Variants in RGPD8 observed in about 807,000 individuals in gnomAD.
RGPD8 encodes RANBP2-like and GRIP domain-containing protein 8.
Under a neutral mutation model 89.1 loss-of-function variants are expected in RGPD8, and 15 were observed. That is an observed-to-expected ratio of 0.17 (90% CI 0.11 to 0.26). The LOEUF (loss-of-function observed/expected upper bound fraction) is 0.26. RGPD8 is among the 10% of genes least tolerant of loss of function. RGPD8 has a pLI of 1.00. For missense variants in RGPD8, 178 were observed against 1,179.6 expected (o/e 0.15, Z 12.44); for synonymous variants, 62 against 420.9 (o/e 0.15, Z 10.44).
chr2:112,408,795 T>C (rs1262567107), intron 7 of RGPD8, among the ~76,000 whole-genome samples: 1 of 151,818 alleles, frequency 6.6e-6, no homozygotes, highest in Non-Finnish European at 1.5e-5. Flanking sequence ...TCTCGGCCTC[T>C]CAAGTAGCTG....
intron 20 of RGPD8, among the ~76,000 whole-genome samples, chr2:112,387,537 T>G (rs2104776545): frequency 8.0e-6 from 1 of 125,412 alleles, no homozygotes; most frequent in South Asian, 2.9e-4. Flanking sequence ...CATTTTTGTA[T>G]TTTCAGTAGA....
At position 112,433,362 on chromosome 2, in the gene RGPD8, T is replaced by C. The variant is rs1254192062; in HGVS notation, c.72+20A>G. 12 of 1,601,112 alleles carry C rather than the reference T, an allele frequency of 7.5e-6. No homozygotes were observed. The highest frequency in any genetic ancestry group is 2.8e-5 in the African/African-American group (2 of 72,700). On this transcript the variant is annotated intron_variant, in intron 1 of 22. Transcript: ENST00000302558. ...CGCCCGGCCGGGTCGAGGCCGCCGCTCTCTTCCAGACCCACTCACCTGTCG... is the reference window on the plus strand; with the variant it reads ...CGCCCGGCCGGGTCGAGGCCGCCGCCCTCTTCCAGACCCACTCACCTGTCG...
At chr2:112,376,565 C>T (rs1472852509) in intron 22 of RGPD8, among the ~76,000 whole-genome samples, 1 of 129,012 alleles carries the variant, frequency 7.8e-6, no homozygotes, top group Non-Finnish European at 1.7e-5. Context: ...CCTGTAATCC[C>T]AGCACTTTGG....
chr2:112,429,433 A>AAG (rs1553506718), intron 1 of RGPD8, among the ~76,000 whole-genome samples: 17 of 148,954 alleles, frequency 1.1e-4, no homozygotes, highest in South Asian at 4.2e-4. Flanking sequence ...AAAAAAAAAA[A>AAG]AAAAGAAAAG....
intron 1 of RGPD8, among the ~76,000 whole-genome samples, chr2:112,429,876 C>G (rs1472182908): frequency 6.6e-6 from 1 of 152,066 alleles, no homozygotes; most frequent in Non-Finnish European, 1.5e-5. Flanking sequence ...GGCGCAATCT[C>G]TGCTCACCAC....
At chr2:112,384,315 G>GGT (rs1558975227) in intron 20 of RGPD8, 1 of 15,282 alleles carries the variant, frequency 6.5e-5, no homozygotes, top group Non-Finnish European at 1.7e-4. Flanking sequence ...CTTCCTGGAA[G>GGT]CAGAATGGAA....
intron 19 of RGPD8, among the ~76,000 whole-genome samples, chr2:112,390,512 A>C (rs1182606544): frequency 6.9e-6 from 1 of 144,958 alleles, no homozygotes; most frequent in Non-Finnish European, 1.5e-5. Context: ...AAGGCAACTG[A>C]TGCACTGAGA....
intron 7 of RGPD8, among the ~76,000 whole-genome samples, chr2:112,410,694 C>A (rs1178457879): frequency 6.6e-6 from 1 of 151,436 alleles, no homozygotes; most frequent in African/African-American, 2.5e-5. Context: ...AGGAGAATCA[C>A]TTGAACCCAG....
At position 112,387,424 on chromosome 2, in the gene RGPD8, G is replaced by A. The variant is rs1246623149; in HGVS notation, c.4921+600C>T. ...TCAGTCAGGCTGGAGTAAGTGGCAT[G>A]ATTTCAGCTCACTGCTACCTCCATC... is the stretch of plus-strand genomic sequence containing the variant. On this transcript the variant is annotated intron_variant, in intron 20 of 22. Transcript: ENST00000302558. Among the ~76,000 whole-genome samples, 12 of 143,456 alleles carry A rather than the reference G, an allele frequency of 8.4e-5. 1 individual carries two copies. The highest frequency in any genetic ancestry group is 1.5e-4 in the Non-Finnish European group (10 of 64,628). The allele number at this position is 143,456 out of a possible 152,430, so 94.1% of individuals were successfully genotyped here.
At chr2:112,410,919 C>G (rs1364609427) in intron 7 of RGPD8, among the ~76,000 whole-genome samples, 5 of 152,274 alleles carry the variant, frequency 3.3e-5, no homozygotes, top group Non-Finnish European at 7.3e-5. Context: ...AACCTCGTCT[C>G]TACTAAAAAC....
intron 22 of RGPD8, 147 bp from the exon 23 acceptor site, chr2:112,370,359 G>GGGGGGTC (rs1249646916): frequency 6.9e-5 from 7 of 100,754 alleles, no homozygotes; most frequent in Non-Finnish European, 1.0e-4. Flanking sequence ...GGGGGGGGGG[G>GGGGGGTC]TTCTTTTTTT....
chr2:112,382,218 T>C (rs1242036465), intron 20 of RGPD8, among the ~76,000 whole-genome samples: 4 of 152,304 alleles, frequency 2.6e-5, no homozygotes, highest in African/African-American at 9.6e-5. Context: ...GATGGCCTAG[T>C]GATCGTGTAA....
chr2:112,425,487 C>T (rs1211923239), intron 1 of RGPD8, among the ~76,000 whole-genome samples: 6 of 152,034 alleles, frequency 3.9e-5, no homozygotes, highest in Non-Finnish European at 5.9e-5. Context: ...AGGCTGGGTG[C>T]GGTGGCTCAC....
Position 112,414,107 on chromosome 2 carries a change from T to C in RGPD8, c.783-1481A>G, listed in dbSNP as rs985824263. ...TCTATTAAGCGAGACATTAAAAAGA[T>C]TTACAACAATGCAAAAACAATGACA... On this transcript the variant is annotated intron_variant, in intron 6 of 22. Coordinates refer to ENST00000302558, the MANE Select transcript of RGPD8 (RefSeq NM_001164463.1). Among the ~76,000 whole-genome samples, 39 of 148,076 alleles carry C rather than the reference T, an allele frequency of 2.6e-4. 3 individuals are homozygous for C. Among genetic ancestry groups the C allele is most frequent in the African/African-American group, 1.0e-3 (38 of 37,978 alleles).
chr2:112,429,415 CAA>C (rs71412832), intron 1 of RGPD8, among the ~76,000 whole-genome samples: 1 of 45,754 alleles, frequency 2.2e-5, no homozygotes, highest in East Asian at 5.8e-4. Context: ...GACTCCGTCT[CAA>C]AAAAAAAAAA....
intron 1 of RGPD8, among the ~76,000 whole-genome samples, chr2:112,432,852 G>A (rs1463473857): frequency 5.3e-5 from 8 of 152,232 alleles, no homozygotes; most frequent in African/African-American, 1.4e-4. Context: ...GCTTGCAAGC[G>A]CCACGCCGCC....
rs572839542 is a variant in RGPD8, at chr2:112,417,307, G to C, written c.668C>G (p.Ser223Cys). 6.2e-7 allele frequency: 1 copy of C among 1,610,042 alleles called. No individual in the cohort carries two copies. The highest frequency in any genetic ancestry group is 1.1e-5 in the South Asian group (1 of 90,942). The change falls in exon 6 of 23, where the codon TCT becomes TGT. Residue 223 changes from serine to cysteine, a missense_variant. Transcript: ENST00000302558. ...GGTTGCTCGCCAGTCACTTTTATCA[G>C]ACTCCAAACACTGTAAAGACTCCAG... ...EYLESLQCLE[S>C]DKSDWRATNT...
chr2:112,430,690 A>G (rs911428069), intron 1 of RGPD8, among the ~76,000 whole-genome samples: 4 of 151,592 alleles, frequency 2.6e-5, no homozygotes, highest in Non-Finnish European at 5.9e-5. Flanking sequence ...CAGGCTGAGC[A>G]GAGTGGCTCA....
intron 22 of RGPD8, among the ~76,000 whole-genome samples, chr2:112,373,568 C>G (rs1678026339): frequency 1.3e-5 from 2 of 152,116 alleles, no homozygotes; most frequent in African/African-American, 4.8e-5. Context: ...TTTACCAACA[C>G]TCATGTATAT....
Sources: allele counts gnomAD v4.1 joint callset (sites outside exome capture counted in the v4.1 genomes callset), GRCh38; gene constraint gnomAD v4.1.1; transcripts MANE v1.5; gene names NCBI Gene and HGNC (gene_info 2026-07-23, HGNC 2026-07-21).